CYP2C19: variants seen among roughly 807,000 people sequenced by gnomAD.
The protein encoded by CYP2C19 is cytochrome P450 family 2 subfamily C member 19.
Under a neutral mutation model 40.9 loss-of-function variants are expected in CYP2C19, and 59 were observed. That is an observed-to-expected ratio of 1.44 (90% CI 1.17 to 1.79). The LOEUF (loss-of-function observed/expected upper bound fraction) is 1.79. Among genes scored for constraint, CYP2C19 ranks in the 40% most tolerant of loss-of-function variants. The pLI is 0.00. For missense variants in CYP2C19, 754 were observed against 596.9 expected (o/e 1.26, Z -2.74); for synonymous variants, 253 against 208.7 (o/e 1.21, Z -1.83).
chr10:94,847,726 C>T (rs1849594591), intron 7 of CYP2C19, among the ~76,000 whole-genome samples: 1 of 152,156 alleles, frequency 6.6e-6, no homozygotes, highest in African/African-American at 2.4e-5. Context: ...TCTCCACATC[C>T]TCTCCTGCAC....
At chr10:94,764,076 C>T (rs1330578081) in intron 1 of CYP2C19, among the ~76,000 whole-genome samples, 1 of 152,008 alleles carries the variant, frequency 6.6e-6, no homozygotes, top group Non-Finnish European at 1.5e-5. Flanking sequence ...AGTTGCAGAC[C>T]TTTGCGGTGA....
intron 5 of CYP2C19, among the ~76,000 whole-genome samples, chr10:94,796,600 C>G (rs926932232): frequency 3.3e-5 from 5 of 152,092 alleles, no homozygotes; most frequent in Admixed American, 6.5e-5. Context: ...TGGCCATTTT[C>G]ACGATATTGA....
intron 5 of CYP2C19, among the ~76,000 whole-genome samples, chr10:94,812,447 T>C (rs1448438152): frequency 1.3e-5 from 2 of 152,052 alleles, no homozygotes; most frequent in African/African-American, 4.8e-5. Context: ...GAAGTTCTCC[T>C]GGATAATATC....
At chr10:94,787,466 C>T (rs1848558054) in intron 5 of CYP2C19, among the ~76,000 whole-genome samples, 1 of 152,026 alleles carries the variant, frequency 6.6e-6, no homozygotes, top group African/African-American at 2.4e-5. Context: ...TGTGTTGATA[C>T]TCTGTCTTGC....
rs1321737607 is a variant in CYP2C19, at chr10:94,842,848, G to A, written c.973G>A (p.Glu325Lys). 6.2e-7 allele frequency: 1 copy of A among 1,614,106 alleles called. No individual in the cohort carries two copies. The highest frequency in any genetic ancestry group is 1.7e-5 in the Admixed American group (1 of 60,014). The change falls in exon 7 of 9, where the codon GAA (glutamate) becomes AAA (lysine). Residue 325 changes from glutamate (E) to lysine (K), a missense_variant. Transcript: ENST00000371321. ...KHPEVTAKVQ[E>K]EIERVIGRNR... ...TTGTGTCTTGTCAGCTAAAGTCCAGGAAGAGATTGAACGTGTCATTGGCAG... is the reference window on the plus strand; with the variant it reads ...TTGTGTCTTGTCAGCTAAAGTCCAGAAAGAGATTGAACGTGTCATTGGCAG...
At position 94,853,171 on chromosome 10, in the gene CYP2C19, T is replaced by C. The variant is rs1428000662; in HGVS notation, c.*257T>C. ...CTAATGTTGAGTTATTAACATATTA[T>C]TATTAAATAGAGAAAGATGATTTGT... On this transcript the variant is annotated 3_prime_UTR_variant, in exon 9 of 9. Transcript: ENST00000371321. The C allele has an allele frequency of 1.5e-5, 7 of 469,584 alleles. No homozygotes were observed. Among genetic ancestry groups the C allele is most frequent in the South Asian group, 2.8e-5 (1 of 36,104 alleles). The allele number at this position is 469,584 out of a possible 1,614,324, so 29.1% of individuals were successfully genotyped here. A position where few individuals can be genotyped will look rare whatever the true frequency, so the allele number is the denominator to read the frequency against.
intron 5 of CYP2C19, among the ~76,000 whole-genome samples, chr10:94,793,087 G>C (rs532201542): frequency 2.0e-5 from 3 of 151,978 alleles, no homozygotes; most frequent in African/African-American, 7.2e-5. Context: ...TTCCCTTCTA[G>C]CTTCATTTCA....
intron 7 of CYP2C19, among the ~76,000 whole-genome samples, chr10:94,845,363 A>G (rs1365076569): frequency 6.6e-6 from 1 of 152,224 alleles, no homozygotes; most frequent in African/African-American, 2.4e-5. Flanking sequence ...TGTTTCAAAA[A>G]TATTATTTAT....
rs746709796 is a variant in CYP2C19, at chr10:94,852,784, T to A, written c.1343T>A (p.Phe448Tyr). 3 of 1,613,996 alleles carry A rather than the reference T, an allele frequency of 1.9e-6. No homozygotes were observed. Among genetic ancestry groups the A allele is most frequent in the African/African-American group, 2.7e-5 (2 of 74,934 alleles). Residue 448 changes from phenylalanine to tyrosine, a missense_variant, in exon 9 of 9, where the codon TTC becomes TAC. Physicochemically the swap from Phe to Tyr is conservative, Grantham distance 22. Coordinates refer to ENST00000371321, the MANE Select transcript of CYP2C19 (RefSeq NM_000769.4). The part of the protein sequence containing the change: ...EGLARMELFL[F>Y]LTFILQNFNL... Reference sequence around the variant, plus strand: ...CTGGCCCGCATGGAGCTGTTTTTATTCCTGACCTTCATTTTACAGAACTTT... The same window carrying A: ...CTGGCCCGCATGGAGCTGTTTTTATACCTGACCTTCATTTTACAGAACTTT...
chr10:94,794,952 G>C (rs1397638325), intron 5 of CYP2C19, among the ~76,000 whole-genome samples: 5 of 151,858 alleles, frequency 3.3e-5, no homozygotes, highest in Admixed American at 1.3e-4. Flanking sequence ...TGTTGAATAG[G>C]AGTGATGAGA....
At chr10:94,786,724 TG>T (rs1335781593) in intron 5 of CYP2C19, among the ~76,000 whole-genome samples, 2 of 152,108 alleles carry the variant, frequency 1.3e-5, no homozygotes, top group Admixed American at 1.3e-4. Flanking sequence ...CAGTGTGTAT[TG>T]TTTCCATCTT....
chr10:94,851,382 T>A (rs1294214237), intron 8 of CYP2C19, among the ~76,000 whole-genome samples: 1 of 151,130 alleles, frequency 6.6e-6, no homozygotes, highest in Non-Finnish European at 1.5e-5. Flanking sequence ...CCCCCAACAC[T>A]GGGAATTAGA....
At chr10:94,782,546 G>A (rs1286295909) in intron 5 of CYP2C19, among the ~76,000 whole-genome samples, 1 of 152,166 alleles carries the variant, frequency 6.6e-6, no homozygotes, top group Non-Finnish European at 1.5e-5. Context: ...GTGGAAGGCA[G>A]TGTGGCAATT....
At chr10:94,788,596 G>A (rs1848571608) in intron 5 of CYP2C19, among the ~76,000 whole-genome samples, 1 of 152,114 alleles carries the variant, frequency 6.6e-6, no homozygotes, top group African/African-American at 2.4e-5. Context: ...AGAACACACA[G>A]TGTTTAGTTT....
intron 5 of CYP2C19, among the ~76,000 whole-genome samples, chr10:94,810,245 G>T (rs546275921): frequency 2.0e-5 from 3 of 152,286 alleles, no homozygotes; most frequent in African/African-American, 7.2e-5. Flanking sequence ...ACTTGATCGT[G>T]GTGGATAAGC....
intron 5 of CYP2C19, among the ~76,000 whole-genome samples, chr10:94,797,640 G>A (rs1033545723): frequency 2.0e-5 from 3 of 151,908 alleles, no homozygotes; most frequent in East Asian, 1.9e-4. Flanking sequence ...TTGGTTGGTA[G>A]GCTATTAATT....
intron 5 of CYP2C19, among the ~76,000 whole-genome samples, chr10:94,794,347 C>T (rs188092707): frequency 9.2e-5 from 14 of 152,146 alleles, no homozygotes; most frequent in Admixed American, 9.2e-4. Context: ...GCTCACACTC[C>T]ATGGGCTGTA....
At position 94,820,495 on chromosome 10, in the gene CYP2C19, G is replaced by A. The variant is rs59705169; in HGVS notation, c.820-1G>A. 3.1e-6 allele frequency: 5 copies of A among 1,613,888 alleles called. No homozygotes were observed. The South Asian group carries it at 4.4e-5, about 14-fold the overall frequency. On this transcript the variant is annotated splice_acceptor_variant, in intron 5 of 8. Coordinates refer to ENST00000371321, the MANE Select transcript of CYP2C19 (RefSeq NM_000769.4). LOFTEE classifies it high-confidence loss of function. Reference sequence around the variant, plus strand: ...AGATAATTGCATCAAATCATTCCTAGGAAAAGCAAAACCAACAGTCTGAAT... The same window carrying A: ...AGATAATTGCATCAAATCATTCCTAAGAAAAGCAAAACCAACAGTCTGAAT...
At chr10:94,790,752 G>A (rs1848594874) in intron 5 of CYP2C19, among the ~76,000 whole-genome samples, 1 of 152,108 alleles carries the variant, frequency 6.6e-6, no homozygotes, top group Non-Finnish European at 1.5e-5. Flanking sequence ...TTGTTGATGT[G>A]CTGCTGGATT....
Sources: allele counts gnomAD v4.1 joint callset (sites outside exome capture counted in the v4.1 genomes callset), GRCh38; gene constraint gnomAD v4.1.1; transcripts MANE v1.5; gene names NCBI Gene and HGNC (gene_info 2026-07-23, HGNC 2026-07-21).